ARHGAP15: variants seen among roughly 807,000 people sequenced by gnomAD.
ARHGAP15 encodes Rho GTPase activating protein 15, also known as rho GTPase-activating protein 15.
A neutral mutation model predicts 63.7 loss-of-function variants in ARHGAP15; 51 were observed. The ratio of observed to expected loss-of-function variants is 0.80; its 90% CI spans 0.64 to 1.01. ARHGAP15 has a LOEUF of 1.01. Ranked by LOEUF, ARHGAP15 falls within the 50% of genes least tolerant of loss-of-function variation. The pLI is 0.00. For missense variants in ARHGAP15, 560 were observed against 564.6 expected (o/e 0.99, Z 0.08); for synonymous variants, 191 against 193.8 (o/e 0.99, Z 0.12).
chr2:143,512,894 C>T (rs1195208009), intron 9 of ARHGAP15, among the ~76,000 whole-genome samples: 1 of 152,206 alleles, frequency 6.6e-6, no homozygotes, highest in Non-Finnish European at 1.5e-5. Flanking sequence ...TGTCCCAGCC[C>T]CCAGGGTTTA....
At chr2:143,357,742 A>G (rs1214244023) in intron 6 of ARHGAP15, among the ~76,000 whole-genome samples, 5 of 152,226 alleles carry the variant, frequency 3.3e-5, no homozygotes, top group Non-Finnish European at 7.3e-5. Context: ...CTATGAAGAC[A>G]CATAAGATAA....
rs1553445627 is a variant in ARHGAP15 at position 143,183,720 on chromosome 2, T to TTC, written c.166-18412_166-18411dup. Reference sequence around the variant, plus strand: ...CTTTGTTTTGGATTGTATTTTTCTTTTCTTTTTTTTTTTTTTAAAGCTAAA... The same window carrying TTC: ...CTTTGTTTTGGATTGTATTTTTCTTTTCTCTTTTTTTTTTTTTTAAAGCTAAA... On this transcript the variant is annotated intron_variant, in intron 2 of 13. Transcript: ENST00000295095. Among the ~76,000 whole-genome samples the TTC allele has an allele frequency of 1.2e-3, 165 of 133,478 alleles. 1 individual carries two copies. The East Asian group carries it at 0.025, about 20-fold the overall frequency. 87.6% of individuals were successfully genotyped at this position (133,478 alleles called of 152,430 possible). A position where few individuals can be genotyped will look rare whatever the true frequency, so the allele number is the denominator to read the frequency against.
At chr2:143,681,104 A>C (rs1683081126) in intron 12 of ARHGAP15, among the ~76,000 whole-genome samples, 1 of 152,178 alleles carries the variant, frequency 6.6e-6, no homozygotes, top group African/African-American at 2.4e-5. Flanking sequence ...GTAGTCTGTT[A>C]AACACCATAT....
At chr2:143,592,355 T>C (rs1298264876) in intron 11 of ARHGAP15, among the ~76,000 whole-genome samples, 5 of 152,244 alleles carry the variant, frequency 3.3e-5, no homozygotes, top group Non-Finnish European at 7.3e-5. Context: ...TGAATACTTT[T>C]AGGTTTTTCT....
intron 6 of ARHGAP15, among the ~76,000 whole-genome samples, chr2:143,341,603 A>C (rs1439251599): frequency 6.6e-6 from 1 of 152,152 alleles, no homozygotes; most frequent in Non-Finnish European, 1.5e-5. Context: ...CAACAGAACA[A>C]GGAATTCTAC....
intron 13 of ARHGAP15, among the ~76,000 whole-genome samples, chr2:143,762,404 A>G (rs1686791993): frequency 6.6e-6 from 1 of 152,128 alleles, no homozygotes; most frequent in Admixed American, 6.6e-5. Context: ...GGTAGCTCAA[A>G]CTTTACAACA....
At chr2:143,321,512 C>T (rs1197252626) in intron 6 of ARHGAP15, among the ~76,000 whole-genome samples, 1 of 152,250 alleles carries the variant, frequency 6.6e-6, no homozygotes, top group African/African-American at 2.4e-5. Flanking sequence ...CCTAAGAGGG[C>T]TGTTCACTGG....
intron 6 of ARHGAP15, among the ~76,000 whole-genome samples, chr2:143,424,484 G>A (rs763865226): frequency 1.3e-5 from 2 of 151,982 alleles, no homozygotes; most frequent in Non-Finnish European, 2.9e-5. Context: ...ACCATTTAAG[G>A]GATGAGTGAA....
At chr2:143,464,419 A>G (rs1462593306) in intron 8 of ARHGAP15, among the ~76,000 whole-genome samples, 2 of 152,184 alleles carry the variant, frequency 1.3e-5, no homozygotes, top group East Asian at 3.8e-4. Flanking sequence ...AAATTACATT[A>G]GCGATTTAAG....
At chr2:143,256,669 T>C (rs544984576) in intron 6 of ARHGAP15, among the ~76,000 whole-genome samples, 1 of 152,108 alleles carries the variant, frequency 6.6e-6, no homozygotes, top group Non-Finnish European at 1.5e-5. Flanking sequence ...TTTTTCTGAT[T>C]GAAGGGAAAG....
intron 8 of ARHGAP15, among the ~76,000 whole-genome samples, chr2:143,457,103 T>C (rs1052135590): frequency 2.6e-5 from 4 of 152,162 alleles, no homozygotes; most frequent in Non-Finnish European, 5.9e-5. Context: ...TCTTGTTCTA[T>C]TTAAAAGAAA....
At chr2:143,209,430 G>C (rs561456240) in intron 3 of ARHGAP15, among the ~76,000 whole-genome samples, 1 of 152,138 alleles carries the variant, frequency 6.6e-6, no homozygotes, top group African/African-American at 2.4e-5. Flanking sequence ...TGCTAGGCTT[G>C]GAATATGTGA....
chr2:143,337,512 G>A (rs10928170), intron 6 of ARHGAP15, among the ~76,000 whole-genome samples: 151,861 of 152,294 alleles, frequency 1, 75,716 homozygotes, highest in Middle Eastern at 1. Context: ...ATTCAGGAAA[G>A]AGCTACTTAA....
chr2:143,437,828 A>T (rs888480061), intron 8 of ARHGAP15, among the ~76,000 whole-genome samples: 1 of 152,156 alleles, frequency 6.6e-6, no homozygotes, highest in Non-Finnish European at 1.5e-5. Context: ...GCTCGAGATC[A>T]TCCTGGTCAA....
intron 6 of ARHGAP15, among the ~76,000 whole-genome samples, chr2:143,375,603 C>T (rs1686773857): frequency 6.6e-6 from 1 of 152,172 alleles, no homozygotes; most frequent in Admixed American, 6.5e-5. Flanking sequence ...AAAGACATGG[C>T]CTCCCTGGGA....
intron 6 of ARHGAP15, among the ~76,000 whole-genome samples, chr2:143,297,776 A>G (rs1682708722): frequency 6.6e-6 from 1 of 152,030 alleles, no homozygotes; most frequent in South Asian, 2.1e-4. Flanking sequence ...ATAAAGTGCT[A>G]TATTCCAGGC....
intron 12 of ARHGAP15, among the ~76,000 whole-genome samples, chr2:143,655,001 G>A (rs1407192699): frequency 6.6e-6 from 1 of 152,184 alleles, no homozygotes; most frequent in Non-Finnish European, 1.5e-5. Context: ...AGAGGCTGAG[G>A]TGGGAGGACT....
intron 6 of ARHGAP15, among the ~76,000 whole-genome samples, chr2:143,291,498 G>A (rs1399514907): frequency 1.3e-5 from 2 of 151,470 alleles, no homozygotes; most frequent in African/African-American, 4.9e-5. Flanking sequence ...AAGCATATAT[G>A]ATTGTTCAAA....
chr2:143,372,431 C>T (rs142485917), intron 6 of ARHGAP15, among the ~76,000 whole-genome samples: 16 of 150,052 alleles, frequency 1.1e-4, no homozygotes, highest in African/African-American at 2.9e-4. Flanking sequence ...TTAATCTACT[C>T]ATGTACATGT....
Sources: allele counts gnomAD v4.1 joint callset (sites outside exome capture counted in the v4.1 genomes callset), GRCh38; gene constraint gnomAD v4.1.1; transcripts MANE v1.5; gene names NCBI Gene and HGNC (gene_info 2026-07-23, HGNC 2026-07-21).